PCDHA4: variants seen among roughly 807,000 people sequenced by gnomAD.
PCDHA4 encodes protocadherin alpha-4.
PCDHA4 carries 49 observed loss-of-function variants against 61.4 expected under a neutral mutation model. The ratio of observed to expected loss-of-function variants is 0.80; its 90% CI spans 0.63 to 1.01. PCDHA4 has a LOEUF of 1.01. PCDHA4 is among the 50% of genes least tolerant of loss of function. The pLI is 0.00. For synonymous variants in PCDHA4, 590 were observed against 550.3 expected (o/e 1.07, Z -1.01); for missense variants, 1,254 against 1,235.8 (o/e 1.01, Z -0.22).
At chr5:140,996,591 T>TC (rs201351256) in intron 3 of PCDHA4, among the ~76,000 whole-genome samples, 1,577 of 152,202 alleles carry the variant, frequency 0.01, 12 homozygotes, top group Middle Eastern at 0.058. Flanking sequence ...AAGGGCCGCC[T>TC]CCCCCCATTT....
At position 140,807,069 on chromosome 5, in the gene PCDHA4, T is replaced by C. The variant is rs546905593; in HGVS notation, c.-119T>C. The stretch of plus-strand genomic sequence containing the variant: ...CTTCTATTCTTACTGGAAGGAACCA[T>C]ATACACTCTTTGGAGTCTGAAATAT... On this transcript the variant is annotated 5_prime_UTR_variant, in exon 1 of 4. Coordinates refer to ENST00000530339, the MANE Select transcript of PCDHA4 (RefSeq NM_018907.4). The C allele has an allele frequency of 8.6e-6, 10 of 1,166,188 alleles. No homozygotes were observed. The South Asian group carries it at 1.3e-4, about 16-fold the overall frequency. The allele number at this position is 1,166,188 out of a possible 1,614,324, so 72.2% of individuals were successfully genotyped here. A position where few individuals can be genotyped will look rare whatever the true frequency, so the allele number is the denominator to read the frequency against.
In PCDHA4 at chr5:140,857,556, T is replaced by C. The variant is rs781993692; in HGVS notation, c.2385+47984T>C. ...GAGCGGCGGTTGGGCGAGCGCTCGC[T>C]GTCGAGCTACGTGTCGGTGCACGCG... On this transcript the variant is annotated intron_variant, in intron 1 of 3. Coordinates refer to ENST00000530339, the MANE Select transcript of PCDHA4 (RefSeq NM_018907.4). 6 of 1,596,822 alleles carry C rather than the reference T, an allele frequency of 3.8e-6. No homozygotes were observed. In the Admixed American group the frequency reaches 1.0e-4, roughly 27 times the overall value.
intron 1 of PCDHA4, chr5:140,842,263 C>T: frequency 6.2e-7 from 1 of 1,611,084 alleles, no homozygotes; most frequent in Non-Finnish European, 8.5e-7. Context: ...AACAAGAAAA[C>T]TTATACAAAA....
intron 1 of PCDHA4, chr5:140,861,500 C>A: frequency 6.2e-6 from 3 of 482,022 alleles, no homozygotes; most frequent in South Asian, 1.6e-5. Flanking sequence ...CTCTGATAGA[C>A]CTCGAGGAGC....
chr5:140,903,587 G>A (rs62384486), intron 1 of PCDHA4, among the ~76,000 whole-genome samples: 1 of 152,156 alleles, frequency 6.6e-6, no homozygotes, highest in African/African-American at 2.4e-5. Context: ...GCTGGTGTTG[G>A]CCTGATAAAT....
chr5:140,829,000 G>C, intron 1 of PCDHA4: 1 of 1,613,886 alleles, frequency 6.2e-7, no homozygotes. Context: ...GAGAAATAGT[G>C]ATTCGGGGTA....
chr5:140,822,151 A>T, intron 1 of PCDHA4: 3 of 1,614,248 alleles, frequency 1.9e-6, no homozygotes, highest in Non-Finnish European at 2.5e-6. Flanking sequence ...GAAGGACATC[A>T]ATGACAATCC....
chr5:140,836,911 T>C (rs1774807793), intron 1 of PCDHA4: 1 of 572,226 alleles, frequency 1.7e-6, no homozygotes, highest in Non-Finnish European at 2.9e-6. Context: ...AATATACACT[T>C]TTGTTTTGGG....
At chr5:140,861,401 G>T in intron 1 of PCDHA4, 1 of 465,630 alleles carries the variant, frequency 2.1e-6, no homozygotes, top group Non-Finnish European at 4.4e-6. Flanking sequence ...TGGAGCTTGT[G>T]GAGCTGATAC....
At chr5:140,936,875 C>T (rs1052156307) in intron 1 of PCDHA4, among the ~76,000 whole-genome samples, 13 of 151,832 alleles carry the variant, frequency 8.6e-5, no homozygotes, top group Non-Finnish European at 1.5e-5. Flanking sequence ...TTTAAAAAAC[C>T]CTGCTTTGAT....
At chr5:140,831,687 G>C (rs2150196814) in intron 1 of PCDHA4, among the ~76,000 whole-genome samples, 2 of 152,012 alleles carry the variant, frequency 1.3e-5, no homozygotes, top group African/African-American at 4.8e-5. Context: ...TGAATGAAAA[G>C]CAGCAAAAAG....
chr5:140,813,030 AT>A (rs1396274427), intron 1 of PCDHA4: 16 of 152,108 alleles, frequency 1.1e-4, no homozygotes, highest in Non-Finnish European at 2.9e-5. Context: ...ACCTTCTTGA[AT>A]TTGTTAAGAC....
chr5:140,848,857 T>C (rs2150422920), intron 1 of PCDHA4: 1 of 1,590,410 alleles, frequency 6.3e-7, no homozygotes, highest in Non-Finnish European at 8.6e-7. Context: ...CATGTGGACG[T>C]GGAGGTGAAG....
chr5:140,861,476 C>A, intron 1 of PCDHA4: 2 of 493,220 alleles, frequency 4.1e-6, no homozygotes, highest in Admixed American at 2.1e-5. Flanking sequence ...TGCAGAATGG[C>A]ATTTTTGTGA....
rs35695909 is a variant in PCDHA4, at chr5:140,914,944, C to CTT, written c.2386-63988_2386-63987dup. Among the ~76,000 whole-genome samples the CTT allele has an allele frequency of 2.2e-4, 28 of 128,250 alleles. 1 individual carries two copies. Among genetic ancestry groups the CTT allele is most frequent in the African/African-American group, 3.1e-4 (11 of 35,118 alleles). 84.1% of individuals were successfully genotyped at this position (128,250 alleles called of 152,430 possible). Reference sequence around the variant, plus strand: ...ATTGTACTATGTTGTGAAAAGTTGTCTTTTTTTTTTTTTTTTTTCTGAGTC... The same window carrying CTT: ...ATTGTACTATGTTGTGAAAAGTTGTCTTTTTTTTTTTTTTTTTTTTCTGAGTC... On this transcript the variant is annotated intron_variant, in intron 1 of 3. Transcript: ENST00000530339.
chr5:140,884,478 C>G, intron 1 of PCDHA4: 1 of 1,613,916 alleles, frequency 6.2e-7, no homozygotes, highest in African/African-American at 1.3e-5. Context: ...CCGGGCAAGC[C>G]CACTCTAGTG....
intron 3 of PCDHA4, among the ~76,000 whole-genome samples, chr5:141,000,397 A>C (rs590627): frequency 0.074 from 4,330 of 58,694 alleles, 135 homozygotes; most frequent in Non-Finnish European, 0.096. Flanking sequence ...CTCTCTCTCT[A>C]TATATATATA....
At chr5:140,842,599 C>T (rs1460884024) in intron 1 of PCDHA4, 3 of 1,595,874 alleles carry the variant, frequency 1.9e-6, no homozygotes, top group African/African-American at 1.3e-5. Flanking sequence ...TGGTGGTAAC[C>T]GCGCGGGACG....
At chr5:140,861,124 A>G (rs1426704260) in intron 1 of PCDHA4, 4 of 153,324 alleles carry the variant, frequency 2.6e-5, no homozygotes, top group African/African-American at 9.6e-5. Flanking sequence ...AACACCCATT[A>G]AGACCACTTG....
Sources: gnomAD v4.1 joint callset for allele counts (sites outside exome capture counted in the v4.1 genomes callset) on GRCh38, gnomAD v4.1.1 for gene constraint, MANE v1.5 for transcripts, NCBI Gene and HGNC (gene_info 2026-07-23, HGNC 2026-07-21) for gene names.